The following ALDH7A1 variants were observed in gnomAD, a reference collection of about 807,000 sequenced individuals.
ALDH7A1 encodes the protein alpha-aminoadipic semialdehyde dehydrogenase.
In ALDH7A1, 63 loss-of-function variants were observed where a neutral mutation model predicts 79.9. That is an observed-to-expected ratio of 0.79 (90% CI 0.64 to 0.97). The LOEUF (loss-of-function observed/expected upper bound fraction) is 0.97, where lower values mean the gene tolerates loss of function less well. Ranked by LOEUF, ALDH7A1 falls within the 50% of genes least tolerant of loss-of-function variation. ALDH7A1 has a pLI of 0.00. For missense variants in ALDH7A1, 627 were observed against 665.2 expected (o/e 0.94, Z 0.63); for synonymous variants, 240 against 231.2 (o/e 1.04, Z -0.34).
rs1256350916 is a variant in ALDH7A1 at position 126,546,418 on chromosome 5, A to G, written c.1490-19T>C. 4 of 1,611,884 alleles carry G rather than the reference A, an allele frequency of 2.5e-6. No homozygotes were observed. The highest frequency in any genetic ancestry group is 1.3e-5 in the African/African-American group (1 of 74,994). ...TCTCCTCCTAGAGAAATAAAAAATA[A>G]TATCATATCTTCTGAGCAGTTTCCA... On this transcript the variant is annotated intron_variant, in intron 16 of 17. Coordinates refer to ENST00000409134, the MANE Select transcript of ALDH7A1 (RefSeq NM_001182.5).
rs935431600 is a variant in ALDH7A1, at chr5:126,554,311, A to G, written c.1176T>C (p.Gly392=). 2.2e-5 allele frequency: 36 copies of G among 1,614,046 alleles called. No homozygotes were observed. The highest frequency in any genetic ancestry group is 3.1e-5 in the Non-Finnish European group (36 of 1,180,000). ...CCTTGCCCCCATAGACCACTGTGCC[A>G]CCTTCTTTCTTTGCTTCTTCCACTG... ...LGAVEEAKKE[G]GTVVYGGKVM... is the part of the protein sequence containing the mutation. Residue 392 remains glycine (G), a synonymous_variant, in exon 13 of 18, where the codon GGT becomes GGC. Coordinates refer to ENST00000409134, the MANE Select transcript of ALDH7A1 (RefSeq NM_001182.5).
chr5:126,565,711 G>A (rs972791315), intron 9 of ALDH7A1, among the ~76,000 whole-genome samples: 3 of 152,128 alleles, frequency 2.0e-5, no homozygotes, highest in African/African-American at 7.2e-5. Context: ...TTATTCCTAT[G>A]TTTTCTTCTA....
Position 126,572,413 on chromosome 5 carries a change from G to T in ALDH7A1, c.696-1554C>A, listed in dbSNP as rs148205902. Among the ~76,000 whole-genome samples the T allele has an allele frequency of 2.6e-5, 4 of 152,296 alleles. No homozygotes were observed. In the South Asian group the frequency reaches 8.3e-4, roughly 32 times the overall value. ...TAGACTGTACTCTCTTTAAGGGCAAGGCTTTTGTTTTGTGCCTATGGGTAA... is the reference window on the plus strand; with the variant it reads ...TAGACTGTACTCTCTTTAAGGGCAATGCTTTTGTTTTGTGCCTATGGGTAA... On this transcript the variant is annotated intron_variant, in intron 7 of 17. Transcript: ENST00000409134.
chr5:126,575,735 C>T (rs1333466901), intron 6 of ALDH7A1, among the ~76,000 whole-genome samples: 1 of 152,224 alleles, frequency 6.6e-6, no homozygotes. Context: ...ACTACATTAA[C>T]CTCAGCCAGT....
intron 7 of ALDH7A1, among the ~76,000 whole-genome samples, chr5:126,574,829 C>A (rs1054704241): frequency 6.6e-6 from 1 of 152,140 alleles, no homozygotes; most frequent in African/African-American, 2.4e-5. Flanking sequence ...AAAGGTACAT[C>A]CTAATCCTAC....
At chr5:126,556,833 G>A (rs767906709) in intron 11 of ALDH7A1, among the ~76,000 whole-genome samples, 1 of 152,166 alleles carries the variant, frequency 6.6e-6, no homozygotes, top group Admixed American at 6.5e-5. Context: ...AACCATCTAT[G>A]CTCTGGGTTA....
At chr5:126,561,885 C>T (rs943143585) in intron 9 of ALDH7A1, 4 of 152,142 alleles carry the variant, frequency 2.6e-5, no homozygotes, top group Admixed American at 1.3e-4. Context: ...CCCAGCTACT[C>T]GTGAAGCCCA....
intron 3 of ALDH7A1, chr5:126,588,440 G>A (rs1324710039): frequency 6.6e-6 from 1 of 152,070 alleles, no homozygotes; most frequent in Non-Finnish European, 1.5e-5. Flanking sequence ...GATCATGCCA[G>A]TGCACTCCAG....
chr5:126,554,529 T>C lies in ALDH7A1; in HGVS notation c.1094-136A>G, dbSNP rs1175512131. 7 of 741,324 alleles carry C rather than the reference T, an allele frequency of 9.4e-6. No individual in the cohort carries two copies. The East Asian group carries it at 1.8e-4, about 19-fold the overall frequency. 45.9% of individuals were successfully genotyped at this position (741,324 alleles called of 1,614,324 possible). On this transcript the variant is annotated intron_variant, in intron 12 of 17. Coordinates refer to ENST00000409134, the MANE Select transcript of ALDH7A1 (RefSeq NM_001182.5). ...TTGAGAACATAAGTCAGCATCCTTTTTCCATAAAGAACCAGATGGTAAATA... is the reference window on the plus strand; with the variant it reads ...TTGAGAACATAAGTCAGCATCCTTTCTCCATAAAGAACCAGATGGTAAATA...
chr5:126,580,357 A>G (rs1230239128), intron 5 of ALDH7A1, among the ~76,000 whole-genome samples: 1 of 152,088 alleles, frequency 6.6e-6, no homozygotes, highest in Non-Finnish European at 1.5e-5. Context: ...TCTGCCTCCC[A>G]AAGTGCTGGG....
chr5:126,592,796 CA>C (rs1751595935), intron 2 of ALDH7A1, 67 bp from the exon 3 acceptor site: 2 of 1,468,842 alleles, frequency 1.4e-6, no homozygotes, highest in South Asian at 2.3e-5. Context: ...TTCTAGAACA[CA>C]AAAATATTTT....
In ALDH7A1 at chr5:126,570,642, A is replaced by G. The variant is rs1356362869; in HGVS notation, c.773+140T>C. Reference sequence around the variant, plus strand: ...TAGGCATTAATAAAATAAGAACCCAACAAAGTCCATAATAATAATGATTTC... The same window carrying G: ...TAGGCATTAATAAAATAAGAACCCAGCAAAGTCCATAATAATAATGATTTC... On this transcript the variant is annotated intron_variant, in intron 8 of 17. Transcript: ENST00000409134. 3.5e-6 allele frequency: 3 copies of G among 855,908 alleles called. No individual in the cohort carries two copies. In the Admixed American group the frequency reaches 5.4e-5, roughly 15 times the overall value. 53.0% of individuals were successfully genotyped at this position (855,908 alleles called of 1,614,324 possible).
chr5:126,560,096 T>C (rs1750351565), intron 10 of ALDH7A1, among the ~76,000 whole-genome samples: 1 of 151,994 alleles, frequency 6.6e-6, no homozygotes, highest in African/African-American at 2.4e-5. Flanking sequence ...ATAATGCATA[T>C]AAAACAGCTG....
At position 126,544,629 on chromosome 5, in the gene ALDH7A1, G is replaced by A. The variant is rs1581349971; in HGVS notation, c.*336C>T. On this transcript the variant is annotated 3_prime_UTR_variant, in exon 18 of 18. Coordinates refer to ENST00000409134, the MANE Select transcript of ALDH7A1 (RefSeq NM_001182.5). ...CTGCAAAGACTTCTGTTTTCTCCTCGGTTCTGTATTTTCCCAAATTCCTAC... is the reference window on the plus strand; with the variant it reads ...CTGCAAAGACTTCTGTTTTCTCCTCAGTTCTGTATTTTCCCAAATTCCTAC... The A allele has an allele frequency of 1.2e-5, 4 of 325,314 alleles. No homozygotes were observed. Among genetic ancestry groups the A allele is most frequent in the South Asian group, 2.9e-5 (1 of 34,252 alleles). The allele number at this position is 325,314 out of a possible 1,614,324, so 20.2% of individuals were successfully genotyped here. A position where few individuals can be genotyped will look rare whatever the true frequency, so the allele number is the denominator to read the frequency against.
At chr5:126,546,492 C>T in intron 16 of ALDH7A1, 93 bp from the exon 17 acceptor site, 1 of 1,089,072 alleles carries the variant, frequency 9.2e-7, no homozygotes, top group Non-Finnish European at 1.4e-6. Context: ...AAAAGGACAC[C>T]AGAACAACCT....
At chr5:126,559,493 T>C (rs2112768902) in intron 10 of ALDH7A1, 159 bp from the exon 11 acceptor site, 2 of 582,500 alleles carry the variant, frequency 3.4e-6, no homozygotes, top group Admixed American at 2.6e-5. Context: ...TGGAGTGCAA[T>C]GGCACGATCT....
intron 16 of ALDH7A1, among the ~76,000 whole-genome samples, chr5:126,547,074 A>G (rs1334471450): frequency 1.3e-5 from 2 of 151,888 alleles, no homozygotes; most frequent in Admixed American, 6.5e-5. Flanking sequence ...TTGAAATAAA[A>G]CAAACCACAG....
chr5:126,583,594 G>C (rs1373540104), intron 4 of ALDH7A1, among the ~76,000 whole-genome samples: 2 of 151,686 alleles, frequency 1.3e-5, no homozygotes, highest in African/African-American at 4.8e-5. Flanking sequence ...CCAGCACTTT[G>C]AGAGGCCGAG....
intron 3 of ALDH7A1, chr5:126,587,225 T>C (rs1305568214): frequency 6.6e-6 from 1 of 152,210 alleles, no homozygotes; most frequent in African/African-American, 2.4e-5. Context: ...GTGCTGAAAC[T>C]GGCTCATGGA....
Sources: gnomAD v4.1 joint callset for allele counts (sites outside exome capture counted in the v4.1 genomes callset) on GRCh38, gnomAD v4.1.1 for gene constraint, MANE v1.5 for transcripts, NCBI Gene and HGNC (gene_info 2026-07-23, HGNC 2026-07-21) for gene names.